FGF14: variants seen among roughly 807,000 people sequenced by gnomAD.
FGF14 encodes fibroblast growth factor homologous factor 4.
In FGF14, 5 loss-of-function variants were observed where a neutral mutation model predicts 25.5. That is an observed-to-expected ratio of 0.20 (90% CI 0.10 to 0.41). FGF14 has a LOEUF of 0.41. FGF14 is among the 10% of genes least tolerant of loss of function. FGF14 has a pLI of 1.00. For synonymous variants in FGF14, 138 were observed against 118.3 expected, an observed-to-expected ratio of 1.17 and a Z score of -1.08; for missense variants, 222 against 320.1, an observed-to-expected ratio of 0.69 and a Z score of 2.34.
At position 101,868,764 on chromosome 13, in the gene FGF14, C is replaced by T. The variant is rs746040831; in HGVS notation, c.369G>A (p.Leu123=). The change falls in exon 3 of 5, where the codon TTG becomes TTA. Residue 123 remains leucine, a synonymous_variant. Transcript: ENST00000376143. ...AACCTTCTCCATTCATGGCTATATA[C>T]AACCCTGTTTTCACTCCCTGGATGG... ...VVAIQGVKTG[L]YIAMNGEGYL... 1 of 1,613,478 alleles carries T rather than the reference C, an allele frequency of 6.2e-7. No individual in the cohort carries two copies. The highest frequency in any genetic ancestry group is 1.7e-5 in the Admixed American group (1 of 59,988).
At chr13:102,365,059 T>C (rs1373362500) in intron 1 of FGF14, among the ~76,000 whole-genome samples, 2 of 152,198 alleles carry the variant, frequency 1.3e-5, no homozygotes, top group Non-Finnish European at 2.9e-5. Flanking sequence ...GGTTTCTCCA[T>C]TGTGGGAATG....
At chr13:101,859,037 G>T (rs2044272796) in intron 3 of FGF14, among the ~76,000 whole-genome samples, 1 of 152,084 alleles carries the variant, frequency 6.6e-6, no homozygotes, top group Non-Finnish European at 1.5e-5. Flanking sequence ...TTTCAGCAAA[G>T]CAGCGTGTAA....
chr13:102,254,198 CT>C (rs1289803573), intron 1 of FGF14, among the ~76,000 whole-genome samples: 1 of 152,186 alleles, frequency 6.6e-6, no homozygotes, highest in Non-Finnish European at 1.5e-5. Flanking sequence ...GGATAGCAGC[CT>C]TTATAAAGTT....
intron 1 of FGF14, among the ~76,000 whole-genome samples, chr13:101,955,502 A>G (rs2036458087): frequency 6.6e-6 from 1 of 152,252 alleles, no homozygotes; most frequent in South Asian, 2.1e-4. Context: ...GATTTATTCT[A>G]CTGCTTCATG....
At chr13:101,950,924 A>G (rs2036131142) in intron 1 of FGF14, among the ~76,000 whole-genome samples, 1 of 152,116 alleles carries the variant, frequency 6.6e-6, no homozygotes, top group African/African-American at 2.4e-5. Flanking sequence ...CTTTAAAGAA[A>G]AGTGTTGGAA....
chr13:102,327,967 T>A (rs1467104486), intron 1 of FGF14, among the ~76,000 whole-genome samples: 1 of 109,040 alleles, frequency 9.2e-6, no homozygotes. Context: ...TAAAAGAACC[T>A]GGAAGGATCA....
intron 2 of FGF14, among the ~76,000 whole-genome samples, chr13:101,870,373 T>C (rs2044985625): frequency 6.6e-6 from 1 of 152,074 alleles, no homozygotes; most frequent in South Asian, 2.1e-4. Flanking sequence ...ACACAAAATT[T>C]TGGAGGGAAA....
At chr13:102,345,013 G>A (rs1003619631) in intron 1 of FGF14, among the ~76,000 whole-genome samples, 3 of 152,140 alleles carry the variant, frequency 2.0e-5, no homozygotes, top group Admixed American at 6.5e-5. Context: ...AAGACAGGAT[G>A]AGGAAAAATT....
intron 1 of FGF14, among the ~76,000 whole-genome samples, chr13:102,290,799 C>T (rs1324292655): frequency 6.6e-6 from 1 of 152,170 alleles, no homozygotes; most frequent in African/African-American, 2.4e-5. Flanking sequence ...CCTCCACAAT[C>T]CTTAAAATCA....
chr13:101,831,574 T>C (rs1013520656), intron 3 of FGF14, among the ~76,000 whole-genome samples: 6 of 152,230 alleles, frequency 3.9e-5, no homozygotes, highest in Admixed American at 2.6e-4. Flanking sequence ...TCCTAGACCA[T>C]TGGAAAGTGA....
intron 1 of FGF14, among the ~76,000 whole-genome samples, chr13:102,397,448 G>A (rs1566987907): frequency 6.6e-6 from 1 of 152,224 alleles, no homozygotes; most frequent in African/African-American, 2.4e-5. Context: ...AATGTTCTCA[G>A]TGTGCTGTGC....
At chr13:102,252,267 GT>G (rs1408556481) in intron 1 of FGF14, among the ~76,000 whole-genome samples, 1 of 152,218 alleles carries the variant, frequency 6.6e-6, no homozygotes, top group Non-Finnish European at 1.5e-5. Context: ...CCCTGCTAGA[GT>G]GGGAAACTCA....
chr13:102,378,619 C>CTATA (rs1266105817), intron 1 of FGF14, among the ~76,000 whole-genome samples: 30 of 132,820 alleles, frequency 2.3e-4, no homozygotes, highest in South Asian at 7.0e-4. Flanking sequence ...ATCTATCTAT[C>CTATA]TATCTATCTA....
intron 3 of FGF14, among the ~76,000 whole-genome samples, chr13:101,868,165 C>T (rs1472979088): frequency 6.6e-6 from 1 of 152,104 alleles, no homozygotes; most frequent in African/African-American, 2.4e-5. Flanking sequence ...TGCATGAATA[C>T]AGCATATCTG....
Position 101,851,614 on chromosome 13 carries a change from G to A in FGF14, c.408+17111C>T, listed in dbSNP as rs546760665. Among the ~76,000 whole-genome samples, 6 of 152,138 alleles carry A rather than the reference G, an allele frequency of 3.9e-5. No homozygotes were observed. In the South Asian group the frequency reaches 1.0e-3, roughly 26 times the overall value. ...TAAACAAGGCGATTCAAAAGCGAGG[G>A]ACTTCAACCTATGCCTCTGGCTTCT... On this transcript the variant is annotated intron_variant, in intron 3 of 4. Coordinates refer to ENST00000376143, the MANE Select transcript of FGF14 (RefSeq NM_004115.4).
intron 1 of FGF14, among the ~76,000 whole-genome samples, chr13:102,129,035 T>C (rs980230132): frequency 6.6e-6 from 1 of 151,914 alleles, no homozygotes; most frequent in African/African-American, 2.4e-5. Flanking sequence ...GAAGTTGCAC[T>C]CTAGCCTGGG....
At chr13:101,822,816 T>G (rs1402032867) in intron 3 of FGF14, among the ~76,000 whole-genome samples, 1 of 152,184 alleles carries the variant, frequency 6.6e-6, no homozygotes, top group Non-Finnish European at 1.5e-5. Context: ...TACTGAAAAC[T>G]AGGTCTAAAT....
rs1229493835 is a variant in FGF14 at position 101,862,494 on chromosome 13, T to C, written c.408+6231A>G. 2.0e-5 allele frequency among the ~76,000 whole-genome samples: 3 copies of C among 152,194 alleles called. No individual in the cohort carries two copies. In the East Asian group the frequency reaches 5.8e-4, roughly 29 times the overall value. The stretch of plus-strand genomic sequence containing the variant: ...TGTTATCTAGCTTCAACCTAACAAA[T>C]AAAAAAATTGGATATTCCATAATTT... On this transcript the variant is annotated intron_variant, in intron 3 of 4. Coordinates refer to ENST00000376143, the MANE Select transcript of FGF14 (RefSeq NM_004115.4).
At chr13:101,901,737 A>G (rs548478807) in intron 1 of FGF14, among the ~76,000 whole-genome samples, 2 of 152,172 alleles carry the variant, frequency 1.3e-5, no homozygotes, top group African/African-American at 4.8e-5. Context: ...CAAAAAACCC[A>G]ACTAATCAAA....
Sources: gnomAD v4.1 joint callset for allele counts (sites outside exome capture counted in the v4.1 genomes callset) on GRCh38, gnomAD v4.1.1 for gene constraint, MANE v1.5 for transcripts, NCBI Gene and HGNC (gene_info 2026-07-23, HGNC 2026-07-21) for gene names.